ITGAM: variants seen among roughly 807,000 people sequenced by gnomAD.
ITGAM encodes integrin subunit alpha M.
Under a neutral mutation model 137.5 loss-of-function variants are expected in ITGAM, and 79 were observed. The observed-to-expected ratio is 0.57, with a 90% CI of 0.48 to 0.69. The LOEUF (loss-of-function observed/expected upper bound fraction) is 0.69, where lower values mean the gene tolerates loss of function less well. Ranked by LOEUF, ITGAM falls within the 30% of genes least tolerant of loss-of-function variation. The pLI is 0.00. For missense variants in ITGAM, 1,343 were observed against 1,483.5 expected, an observed-to-expected ratio of 0.91 and a Z score of 1.56; for synonymous variants, 583 against 592.3, an observed-to-expected ratio of 0.98 and a Z score of 0.23.
chr16:31,275,776 C>T, intron 9 of ITGAM, 77 bp downstream of exon 9: 2 of 1,463,060 alleles, frequency 1.4e-6, no homozygotes, highest in Non-Finnish European at 1.9e-6. Context: ...CTCTAGAATC[C>T]AGACCTTCCT....
chr16:31,331,648 A>C lies in ITGAM; in HGVS notation c.3400A>C (p.Lys1134Gln), dbSNP rs2080585174. 3.7e-6 allele frequency: 6 copies of C among 1,607,142 alleles called. No homozygotes were observed. Among genetic ancestry groups the C allele is most frequent in the Non-Finnish European group, 5.1e-6 (6 of 1,177,976 alleles). Residue 1134 changes from lysine (K) to glutamine (Q), a missense_variant, in exon 30 of 30, where the codon AAG (lysine) becomes CAG (glutamine). Coordinates refer to ENST00000544665, the MANE Select transcript of ITGAM (RefSeq NM_000632.4). The stretch of plus-strand genomic sequence containing the variant: ...CTCTGCCCCGCAGCTCGGCTTCTTC[A>C]AGCGGCAATACAAGGACATGATGAG... ...TAALYKLGFF[K>Q]RQYKDMMSEG...
In ITGAM at chr16:31,325,005, C is replaced by T; in HGVS notation, c.2337C>T (p.Asp779=). The change falls in exon 19 of 30, where the codon GAC becomes GAT. Residue 779 remains aspartate (D), a synonymous_variant. Transcript: ENST00000544665. ...NCGNDNICQD[D]LSITFSFMSL... ...GCAATGACAACATCTGCCAGGATGA[C>T]CTCAGCATCACCTTCAGTTTCATGA... is the stretch of plus-strand genomic sequence containing the variant. The T allele has an allele frequency of 6.2e-7, 1 of 1,613,280 alleles. No homozygotes were observed.
At chr16:31,302,853 CTTCT>C (rs1292927939) in intron 14 of ITGAM, among the ~76,000 whole-genome samples, 2 of 150,802 alleles carry the variant, frequency 1.3e-5, no homozygotes, top group South Asian at 2.1e-4. Flanking sequence ...CTCTTTCTTT[CTTCT>C]TTCTTTCTCT....
intron 14 of ITGAM, among the ~76,000 whole-genome samples, chr16:31,320,002 T>G (rs11864541): frequency 6.6e-6 from 1 of 151,860 alleles, no homozygotes; most frequent in African/African-American, 2.4e-5. Flanking sequence ...TTAATAGAGA[T>G]GGGGTTTCAC....
At chr16:31,273,628 G>C (rs1450170743) in intron 8 of ITGAM, 110 bp downstream of exon 8, 6 of 1,062,484 alleles carry the variant, frequency 5.6e-6, no homozygotes, top group African/African-American at 1.6e-5. Context: ...GAGAGCTAAT[G>C]CTAGCTCATA....
At chr16:31,330,708 AGACAGAGC>A in intron 28 of ITGAM, 103 bp downstream of exon 28, 1 of 799,822 alleles carries the variant, frequency 1.3e-6, no homozygotes, top group Middle Eastern at 3.4e-4. Context: ...GGAGAGAGAG[AGACAGAGC>A]GACAGAGAGA....
chr16:31,327,729 A>G (rs565901552), intron 22 of ITGAM, among the ~76,000 whole-genome samples: 1 of 152,308 alleles, frequency 6.6e-6, no homozygotes, highest in Admixed American at 6.5e-5. Flanking sequence ...CGGGAAGATC[A>G]GGGTGTGTTT....
Position 31,270,713 on chromosome 16 carries a change from A to G in ITGAM, c.428-241A>G, listed in dbSNP as rs867098155. 8.0e-3 allele frequency among the ~76,000 whole-genome samples: 779 copies of G among 97,226 alleles called. 37 individuals carry two copies. Among genetic ancestry groups the G allele is most frequent in the African/African-American group, 0.026 (571 of 21,942 alleles). 63.8% of individuals were successfully genotyped at this position (97,226 alleles called of 152,430 possible). ...CGTGTGTGTGTGTATATATATATAT[A>G]TATATATATATATATATATATATAT... On this transcript the variant is annotated intron_variant, in intron 5 of 29. Coordinates refer to ENST00000544665, the MANE Select transcript of ITGAM (RefSeq NM_000632.4).
chr16:31,297,573 C>A lies in ITGAM; in HGVS notation c.1416C>A (p.Thr472=), dbSNP rs753311746. 6.2e-7 allele frequency: 1 copy of A among 1,612,338 alleles called. No individual in the cohort carries two copies. Residue 472 remains threonine, a synonymous_variant, in exon 13 of 30, where the codon ACC becomes ACA. Transcript: ENST00000544665. ...CSVDVDSNGS[T]DLVLIGAPHY... ...TGGACGTGGACAGCAACGGCAGCAC[C>A]GACCTGGTCCTCATCGGGGCCCCCC...
rs935579043 is a variant in ITGAM at position 31,310,979 on chromosome 16, G to A, written c.1708-10262G>A. Among the ~76,000 whole-genome samples, 5 of 152,166 alleles carry A rather than the reference G, an allele frequency of 3.3e-5. No individual in the cohort carries two copies. In the South Asian group the frequency reaches 6.2e-4, roughly 19 times the overall value. On this transcript the variant is annotated intron_variant, in intron 14 of 29. Coordinates refer to ENST00000544665, the MANE Select transcript of ITGAM (RefSeq NM_000632.4). ...GAACTGAGCACTCAGAAATAGTGCC[G>A]CATATCTACAACTATCTGATCTTTG...
chr16:31,264,058 G>A (rs1332425389), intron 2 of ITGAM, among the ~76,000 whole-genome samples: 1 of 151,752 alleles, frequency 6.6e-6, no homozygotes, highest in Non-Finnish European at 1.5e-5. Context: ...GGATGTTCTC[G>A]ATTTCCTGAC....
At chr16:31,272,445 A>G (rs1301809085) in intron 7 of ITGAM, among the ~76,000 whole-genome samples, 12 of 11,794 alleles carry the variant, frequency 1.0e-3, no homozygotes, top group African/African-American at 3.0e-3. Flanking sequence ...ATATATATAT[A>G]TATATATATA....
Position 31,325,558 on chromosome 16 carries a change from T to C in ITGAM, c.2564T>C (p.Val855Ala), listed in dbSNP as rs912661185. 1 of 1,613,960 alleles carries C rather than the reference T, an allele frequency of 6.2e-7. No individual in the cohort carries two copies. Among genetic ancestry groups the C allele is most frequent in the South Asian group, 1.1e-5 (1 of 91,078 alleles). ...LACESASSTE[V>A]SGALKSTSCS... ...TGTGAGTCTGCCTCCTCCACCGAAGTGTCTGGGGCCTTGAAGAGCACCAGC... is the reference window on the plus strand; with the variant it reads ...TGTGAGTCTGCCTCCTCCACCGAAGCGTCTGGGGCCTTGAAGAGCACCAGC... Residue 855 changes from valine to alanine, a missense_variant, in exon 21 of 30, where the codon GTG becomes GCG. Transcript: ENST00000544665.
At chr16:31,274,523 G>C (rs181478025) in intron 8 of ITGAM, among the ~76,000 whole-genome samples, 26 of 152,340 alleles carry the variant, frequency 1.7e-4, no homozygotes, top group Non-Finnish European at 2.6e-4. Context: ...TCACAGAGCT[G>C]TCTGGTGAGA....
At chr16:31,308,160 T>G (rs955452249) in intron 14 of ITGAM, among the ~76,000 whole-genome samples, 39 of 152,122 alleles carry the variant, frequency 2.6e-4, no homozygotes, top group East Asian at 1.4e-3. Flanking sequence ...ATGCTGGCCT[T>G]ATAAAATGAG....
At chr16:31,273,308 A>C (rs1260532857) in intron 7 of ITGAM, 57 bp from the exon 8 acceptor site, 24 of 1,512,622 alleles carry the variant, frequency 1.6e-5, no homozygotes, top group Non-Finnish European at 2.0e-5. Context: ...AAAAAAAAAA[A>C]AAAACTAGTG....
rs754118502 is a variant in ITGAM at position 31,324,522 on chromosome 16, A to G, written c.2126A>G (p.Gln709Arg). The G allele has an allele frequency of 6.2e-7, 1 of 1,607,964 alleles. No individual in the cohort carries two copies. Among genetic ancestry groups the G allele is most frequent in the South Asian group, 1.1e-5 (1 of 89,704 alleles). ...CAGACACAGGTCTTGGGGCTGACCC[A>G]GACTTGTGAGACCCTGAAACTACAG... The part of the protein sequence containing the change: ...RRQTQVLGLT[Q>R]TCETLKLQLP... The change falls in exon 17 of 30, where the codon CAG (glutamine) becomes CGG (arginine). Residue 709 changes from glutamine (Q) to arginine (R), a missense_variant. By Grantham distance (43) the Gln-to-Arg change is conservative. Transcript: ENST00000544665. The surrounding 1 kb of genome is among the most constrained non-coding windows in gnomAD (Gnocchi z 4.5).
intron 12 of ITGAM, among the ~76,000 whole-genome samples, chr16:31,296,391 G>A (rs1264329988): frequency 6.6e-6 from 1 of 151,928 alleles, no homozygotes; most frequent in Non-Finnish European, 1.5e-5. Context: ...GGGATTACAG[G>A]CATGAGCCAC....
Position 31,329,834 on chromosome 16 carries a change from C to G in ITGAM, c.2905C>G (p.Leu969Val). 1 of 1,562,096 alleles carries G rather than the reference C, an allele frequency of 6.4e-7. No homozygotes were observed. Among genetic ancestry groups the G allele is most frequent in the East Asian group, 2.4e-5 (1 of 41,794 alleles). ...NLGQRSLPIS[L>V]VFLVPVRLNQ... The stretch of plus-strand genomic sequence containing the variant: ...GGGGCAGAGGAGCCTCCCCATCAGC[C>G]TGGTGTTCTTGGTGCCCGTCCGGCT... Residue 969 changes from leucine (L) to valine (V), a missense_variant, in exon 25 of 30, where the codon CTG (leucine) becomes GTG (valine). Leu to Val is a conservative substitution (Grantham distance 32, BLOSUM62 1). Coordinates refer to ENST00000544665, the MANE Select transcript of ITGAM (RefSeq NM_000632.4).
Sources: allele counts gnomAD v4.1 joint callset (sites outside exome capture counted in the v4.1 genomes callset), GRCh38; gene constraint gnomAD v4.1.1; non-coding constraint Gnocchi (gnomAD v3.1); transcripts MANE v1.5; gene names NCBI Gene and HGNC (gene_info 2026-07-23, HGNC 2026-07-21).